Variants in NAALADL2 observed in about 807,000 individuals in gnomAD.
NAALADL2 encodes the protein N-acetylated alpha-linked acidic dipeptidase like 2.
A neutral mutation model predicts 87.2 loss-of-function variants in NAALADL2; 76 were observed. The observed-to-expected ratio is 0.87, with a 90% confidence interval of 0.72 to 1.05. The LOEUF is 1.05. Among genes scored for constraint, NAALADL2 ranks in the 50% least tolerant of loss-of-function variants. The pLI is 0.00. For missense variants in NAALADL2, 1,089 were observed against 945.8 expected (o/e 1.15, Z -1.99); for synonymous variants, 354 against 331.0 (o/e 1.07, Z -0.75).
chr3:175,154,266 A>G (rs1311834739), intron 2 of NAALADL2, among the ~76,000 whole-genome samples: 1 of 152,176 alleles, frequency 6.6e-6, no homozygotes, highest in East Asian at 1.9e-4. Flanking sequence ...TTTCTGTTGC[A>G]TTATCCTACT....
intron 3 of NAALADL2, among the ~76,000 whole-genome samples, chr3:174,745,087 T>C (rs1257153639): frequency 1.3e-5 from 2 of 149,982 alleles, no homozygotes; most frequent in Admixed American, 6.6e-5. Context: ...AGACAAGAAA[T>C]AACTAAGATC....
At chr3:175,180,512 G>C (rs1736307252) in intron 2 of NAALADL2, among the ~76,000 whole-genome samples, 1 of 151,854 alleles carries the variant, frequency 6.6e-6, no homozygotes, top group Non-Finnish European at 1.5e-5. Flanking sequence ...TCAAGATAAT[G>C]AAATCAAGAA....
intron 3 of NAALADL2, among the ~76,000 whole-genome samples, chr3:174,799,707 C>T (rs552994989): frequency 6.6e-6 from 1 of 152,258 alleles, no homozygotes; most frequent in South Asian, 2.1e-4. Flanking sequence ...AAGTGACTTT[C>T]AAACTGGGTA....
At chr3:175,455,828 G>C (rs1722241614) in intron 6 of NAALADL2, among the ~76,000 whole-genome samples, 1 of 151,982 alleles carries the variant, frequency 6.6e-6, no homozygotes, top group African/African-American at 2.4e-5. Context: ...GTCACAGTGA[G>C]GATCAGGAAA....
At chr3:175,500,636 G>C (rs113137048) in intron 9 of NAALADL2, among the ~76,000 whole-genome samples, 3,311 of 152,078 alleles carry the variant, frequency 0.022, 129 homozygotes, top group African/African-American at 0.074. Context: ...CCTGTGTCAG[G>C]CATGCTTAAT....
intron 10 of NAALADL2, among the ~76,000 whole-genome samples, chr3:175,586,565 A>G (rs6773386): frequency 0.026 from 3,957 of 152,336 alleles, 174 homozygotes; most frequent in African/African-American, 0.087. Context: ...ATATTCTGTT[A>G]CAAGTGAAGA....
At chr3:175,686,700 T>C (rs182304090) in intron 11 of NAALADL2, among the ~76,000 whole-genome samples, 61 of 152,308 alleles carry the variant, frequency 4.0e-4, no homozygotes, top group Non-Finnish European at 2.4e-4. Flanking sequence ...AAGATTTATA[T>C]AACAAATGGT....
At chr3:174,958,845 CTG>C (rs955147159) in intron 1 of NAALADL2, among the ~76,000 whole-genome samples, 6 of 152,130 alleles carry the variant, frequency 3.9e-5, no homozygotes, top group African/African-American at 1.4e-4. Flanking sequence ...TTAATTATAT[CTG>C]TTGTTGCTTG....
intron 2 of NAALADL2, among the ~76,000 whole-genome samples, chr3:174,731,694 C>A (rs1223910113): frequency 2.0e-5 from 3 of 152,088 alleles, no homozygotes; most frequent in Admixed American, 2.0e-4. Context: ...TTCTGATCTG[C>A]AGTCTGGAAT....
chr3:175,096,969 G>A lies in NAALADL2; in HGVS notation c.223G>A (p.Gly75Arg). ...QLDGAENQNL[G>R]HSETIDLNLD... ...AGACGGTGCTGAGAATCAGAACCTA[G>A]GGCATTCAGAGACTATAGACCTCAA... Residue 75 changes from glycine to arginine, a missense_variant, in exon 2 of 14, where the codon GGG (glycine) becomes AGG (arginine). Transcript: ENST00000454872. 6.2e-7 allele frequency: 1 copy of A among 1,613,310 alleles called. No individual in the cohort carries two copies. The highest frequency in any genetic ancestry group is 1.7e-5 in the Admixed American group (1 of 59,838).
At chr3:174,957,319 G>A (rs1318281092) in intron 1 of NAALADL2, among the ~76,000 whole-genome samples, 1 of 151,994 alleles carries the variant, frequency 6.6e-6, no homozygotes, top group African/African-American at 2.4e-5. Context: ...GAGAATAGGA[G>A]TAAAACAACA....
At chr3:175,367,015 C>T (rs968352156) in intron 5 of NAALADL2, among the ~76,000 whole-genome samples, 42 of 151,536 alleles carry the variant, frequency 2.8e-4, no homozygotes, top group Admixed American at 1.1e-3. Context: ...AATCTTTAAT[C>T]CATCTTGAAT....
intron 2 of NAALADL2, among the ~76,000 whole-genome samples, chr3:175,133,646 G>A (rs888580296): frequency 9.9e-5 from 15 of 152,182 alleles, no homozygotes; most frequent in Admixed American, 3.3e-4. Flanking sequence ...CAGGCAGGGA[G>A]GCTGCAGTGA....
intron 3 of NAALADL2, among the ~76,000 whole-genome samples, chr3:174,843,910 A>G (rs1347324576): frequency 6.6e-6 from 1 of 152,160 alleles, no homozygotes; most frequent in African/African-American, 2.4e-5. Flanking sequence ...AAGTGTTTAT[A>G]TATTATGAAT....
intron 2 of NAALADL2, among the ~76,000 whole-genome samples, chr3:174,609,318 A>G (rs1315485861): frequency 1.3e-5 from 2 of 152,098 alleles, no homozygotes; most frequent in Non-Finnish European, 2.9e-5. Context: ...GGCCAGGGCA[A>G]TTACGCAGGA....
At chr3:175,568,997 G>A (rs900381127) in intron 9 of NAALADL2, among the ~76,000 whole-genome samples, 2 of 152,182 alleles carry the variant, frequency 1.3e-5, no homozygotes, top group Admixed American at 6.5e-5. Context: ...TACTGGGTGC[G>A]TGGCCTGTTT....
intron 3 of NAALADL2, among the ~76,000 whole-genome samples, chr3:174,846,974 G>A (rs16865046): frequency 0.012 from 1,842 of 152,256 alleles, 45 homozygotes; most frequent in African/African-American, 0.043. Context: ...GGAAAGTTTA[G>A]GCGATAGAGT....
chr3:175,728,919 T>C (rs953041845), intron 11 of NAALADL2, among the ~76,000 whole-genome samples: 1 of 152,150 alleles, frequency 6.6e-6, no homozygotes, highest in African/African-American at 2.4e-5. Context: ...AATCTTGTTT[T>C]ACTCTAAAAG....
chr3:175,112,327 T>A (rs1008130518), intron 2 of NAALADL2, among the ~76,000 whole-genome samples: 6 of 151,582 alleles, frequency 4.0e-5, no homozygotes, highest in Non-Finnish European at 5.9e-5. Context: ...ACTATTAGGG[T>A]CTCATGCTCC....
Sources: allele counts gnomAD v4.1 joint callset (sites outside exome capture counted in the v4.1 genomes callset), GRCh38; gene constraint gnomAD v4.1.1; transcripts MANE v1.5; gene names NCBI Gene and HGNC (gene_info 2026-07-23, HGNC 2026-07-21).